Variants in PAK1 observed in about 807,000 individuals in gnomAD.
The protein encoded by PAK1 is serine/threonine-protein kinase PAK 1.
A neutral mutation model predicts 67.4 loss-of-function variants in PAK1; 29 were observed. The observed-to-expected ratio is 0.43, with a 90% CI of 0.32 to 0.59. The LOEUF is 0.59. PAK1 is among the 20% of genes least tolerant of loss of function. The pLI is 0.07. For missense variants in PAK1, 337 were observed against 670.7 expected, an observed-to-expected ratio of 0.50 and a Z score of 5.50; for synonymous variants, 223 against 237.4, an observed-to-expected ratio of 0.94 and a Z score of 0.56.
At chr11:77,434,616 T>G (rs1956025894) in intron 1 of PAK1, among the ~76,000 whole-genome samples, 1 of 150,372 alleles carries the variant, frequency 6.7e-6, no homozygotes, top group Non-Finnish European at 1.5e-5. Context: ...CCCAGCTAAT[T>G]TTATTTATTT....
At chr11:77,327,508 C>T (rs1940292105) in intron 14 of PAK1, among the ~76,000 whole-genome samples, 1 of 152,060 alleles carries the variant, frequency 6.6e-6, no homozygotes, top group Non-Finnish European at 1.5e-5. Context: ...GAATTTTCAA[C>T]CCAGAATTTC....
At chr11:77,424,519 A>G (rs1173083926) in intron 1 of PAK1, among the ~76,000 whole-genome samples, 1 of 152,218 alleles carries the variant, frequency 6.6e-6, no homozygotes, top group Non-Finnish European at 1.5e-5. Context: ...AAAATGTTCT[A>G]TCTCTTCAAA....
rs9735333 is a variant in PAK1, at chr11:77,368,668, T to A, written c.477+5660A>T. 0.013 allele frequency among the ~76,000 whole-genome samples: 205 copies of A among 15,564 alleles called. 4 individuals are homozygous for A. In the East Asian group the frequency reaches 0.16, roughly 12 times the overall value. The allele number at this position is 15,564 out of a possible 152,430, so 10.2% of individuals were successfully genotyped here. The stretch of plus-strand genomic sequence containing the variant: ...GGATAATAATATTTTTTATTTATTT[T>A]TTTTTTGAGATACAGTCCCACTCTG... On this transcript the variant is annotated intron_variant, in intron 5 of 14. Transcript: ENST00000356341.
At chr11:77,443,659 A>G (rs1956464463) in intron 1 of PAK1, among the ~76,000 whole-genome samples, 1 of 152,218 alleles carries the variant, frequency 6.6e-6, no homozygotes. Flanking sequence ...TTGAACCTCA[A>G]ATTCATGCAA....
chr11:77,444,022 A>T (rs1417524470), intron 1 of PAK1, among the ~76,000 whole-genome samples: 1 of 152,338 alleles, frequency 6.6e-6, no homozygotes, highest in East Asian at 1.9e-4. Flanking sequence ...TCTCTTCTAT[A>T]AATGAGCAAA....
At position 77,336,091 on chromosome 11, in the gene PAK1, G is replaced by A; in HGVS notation, c.1408C>T (p.Leu470=). 5 of 1,592,386 alleles carry A rather than the reference G, an allele frequency of 3.1e-6. No individual in the cohort carries two copies. Among genetic ancestry groups the A allele is most frequent in the Non-Finnish European group, 4.3e-6 (5 of 1,161,410 alleles). The part of the protein sequence containing the change: ...GEPPYLNENP[L]RALYLIATNG... The stretch of plus-strand genomic sequence containing the variant: ...ATAGAACTGGTAACACTCACTCTCA[G>A]AGGGTTTTCATTGAGGTATGGAGGC... The change falls in exon 13 of 15, where the codon CTG becomes TTG. Residue 470 remains leucine (L), a synonymous_variant. Coordinates refer to ENST00000356341, the MANE Select transcript of PAK1 (RefSeq NM_002576.5).
the PAK1 span, among the ~76,000 whole-genome samples, chr11:77,517,268 C>G: frequency 6.6e-6 from 1 of 152,128 alleles, no homozygotes; most frequent in Admixed American, 6.5e-5. Context: ...AATATCTGGC[C>G]AGGAGAGAAT....
intron 1 of PAK1, among the ~76,000 whole-genome samples, chr11:77,452,384 G>T (rs912944428): frequency 1.3e-5 from 2 of 152,126 alleles, no homozygotes; most frequent in African/African-American, 4.8e-5. Context: ...TTGCAGAGAG[G>T]TGTAGTAAAA....
At position 77,335,985 on chromosome 11, in the gene PAK1, G is replaced by T. The variant is rs530091453; in HGVS notation, c.1413+101C>A. The stretch of plus-strand genomic sequence containing the variant: ...CAGTGACTAGTTGTATCCAGAAAAG[G>T]GATCTCCAGGTTGAAAACCACAGAG... On this transcript the variant is annotated intron_variant, in intron 13 of 14. Coordinates refer to ENST00000356341, the MANE Select transcript of PAK1 (RefSeq NM_002576.5). The T allele has an allele frequency of 7.7e-6, 5 of 653,308 alleles. No individual in the cohort carries two copies. The African/African-American group carries it at 8.9e-5, about 12-fold the overall frequency. The allele number at this position is 653,308 out of a possible 1,614,324, so 40.5% of individuals were successfully genotyped here.
At chr11:77,369,905 G>C (rs952175845) in intron 5 of PAK1, among the ~76,000 whole-genome samples, 1 of 151,922 alleles carries the variant, frequency 6.6e-6, no homozygotes, top group African/African-American at 2.4e-5. Flanking sequence ...TTCCTCTGGG[G>C]CTAATTTTCC....
Position 77,322,799 on chromosome 11 carries a change from G to T in PAK1, c.*475C>A, listed in dbSNP as rs1164420429. The T allele has an allele frequency of 2.6e-6, 1 of 378,440 alleles. No individual in the cohort carries two copies. Among genetic ancestry groups the T allele is most frequent in the Admixed American group, 4.4e-5 (1 of 22,982 alleles). The allele number at this position is 378,440 out of a possible 1,614,324, so 23.4% of individuals were successfully genotyped here. On this transcript the variant is annotated 3_prime_UTR_variant, in exon 15 of 15. Coordinates refer to ENST00000356341, the MANE Select transcript of PAK1 (RefSeq NM_002576.5). ...TCCCTGGCAGATTATCAAACCCCATGGCATTCCCAAGCTGTTCCAGTTTTC... is the reference window on the plus strand; with the variant it reads ...TCCCTGGCAGATTATCAAACCCCATTGCATTCCCAAGCTGTTCCAGTTTTC...
intron 14 of PAK1, among the ~76,000 whole-genome samples, chr11:77,324,172 CTTTTTTTTT>C (rs11324143): frequency 7.8e-6 from 1 of 127,462 alleles, no homozygotes; most frequent in Non-Finnish European, 1.6e-5. Flanking sequence ...AAAGCAATTC[CTTTTTTTTT>C]TTTTTTTTTG....
At chr11:77,375,453 T>C (rs1345652912) in intron 4 of PAK1, among the ~76,000 whole-genome samples, 1 of 152,152 alleles carries the variant, frequency 6.6e-6, no homozygotes, top group Non-Finnish European at 1.5e-5. Context: ...TAATTAAAGG[T>C]AGGGTCTTGT....
chr11:77,504,579 C>G, the PAK1 span, among the ~76,000 whole-genome samples: 6 of 152,296 alleles, frequency 3.9e-5, no homozygotes, highest in African/African-American at 1.4e-4. Context: ...GAAATCATAT[C>G]AATGAGCTTT....
the PAK1 span, among the ~76,000 whole-genome samples, chr11:77,527,833 T>A: frequency 6.6e-6 from 1 of 152,272 alleles, no homozygotes; most frequent in South Asian, 2.1e-4. Flanking sequence ...TTGTTTTATC[T>A]ATCCCCACAA....
chr11:77,430,754 G>A (rs1222731405), intron 1 of PAK1, among the ~76,000 whole-genome samples: 1 of 152,200 alleles, frequency 6.6e-6, no homozygotes, highest in Non-Finnish European at 1.5e-5. Context: ...AATAATTGTT[G>A]TAAAGCGTTA....
chr11:77,464,033 C>T (rs576842259), intron 1 of PAK1, among the ~76,000 whole-genome samples: 1 of 152,098 alleles, frequency 6.6e-6, no homozygotes, highest in Non-Finnish European at 1.5e-5. Context: ...CAACATATAA[C>T]CAATATAAAA....
At chr11:77,377,944 A>T (rs1949313908) in intron 4 of PAK1, among the ~76,000 whole-genome samples, 1 of 152,204 alleles carries the variant, frequency 6.6e-6, no homozygotes, top group Non-Finnish European at 1.5e-5. Context: ...GAGGAAGGAA[A>T]TACTGCTGGG....
the PAK1 span, among the ~76,000 whole-genome samples, chr11:77,493,445 ATT>A: frequency 0.033 from 2,310 of 70,708 alleles, 49 homozygotes; most frequent in African/African-American, 0.11. Context: ...TGCCCAGCTA[ATT>A]TTTTTTTTTT....
Sources: allele counts gnomAD v4.1 joint callset (sites outside exome capture counted in the v4.1 genomes callset), GRCh38; gene constraint gnomAD v4.1.1; transcripts MANE v1.5; gene names NCBI Gene and HGNC (gene_info 2026-07-23, HGNC 2026-07-21).